The following TNRC6C variants were observed in gnomAD, a reference collection of about 807,000 sequenced individuals.
TNRC6C encodes trinucleotide repeat-containing gene 6C protein.
Under a neutral mutation model 153.7 loss-of-function variants are expected in TNRC6C, and 20 were observed. The observed-to-expected ratio is 0.13, with a 90% CI of 0.09 to 0.19. TNRC6C has a LOEUF of 0.19. TNRC6C is among the 10% of genes least tolerant of loss of function. The pLI is 1.00. For missense variants in TNRC6C, 1,987 were observed against 2,172.0 expected, an observed-to-expected ratio of 0.91 and a Z score of 1.69; for synonymous variants, 811 against 841.4, an observed-to-expected ratio of 0.96 and a Z score of 0.63.
intron 1 of TNRC6C, among the ~76,000 whole-genome samples, chr17:77,965,720 G>A (rs942944263): frequency 2.0e-5 from 3 of 152,128 alleles, no homozygotes; most frequent in Admixed American, 6.6e-5. Flanking sequence ...TGTGAAGAAC[G>A]CCACATACAC....
chr17:78,048,963 G>A (rs996714810), exon 3 of TNRC6C: 6 of 1,379,578 alleles, frequency 4.3e-6, no homozygotes, highest in East Asian at 5.3e-5. Context: ...GGACTGACAA[G>A]GAGGCGTGGC....
At chr17:77,976,664 C>T (rs1012821900) in intron 1 of TNRC6C, among the ~76,000 whole-genome samples, 3 of 152,140 alleles carry the variant, frequency 2.0e-5, no homozygotes, top group South Asian at 2.1e-4. Context: ...TACGGTGGCT[C>T]ATGCCTGTAA....
At chr17:78,062,967 T>G (rs2144172441) in intron 3 of TNRC6C, among the ~76,000 whole-genome samples, 1 of 152,224 alleles carries the variant, frequency 6.6e-6, no homozygotes, top group South Asian at 2.1e-4. Flanking sequence ...TTGTAAAGAC[T>G]GGGTACGGTA....
exon 15 of TNRC6C, chr17:78,092,952 A>C (rs1402409409): frequency 1.2e-6 from 2 of 1,613,826 alleles, no homozygotes. Flanking sequence ...CTGGAGGTCT[A>C]AGCATTGGGC....
chr17:78,092,785 G>C (rs1405120913), intron 14 of TNRC6C, 148 bp from the exon 17 acceptor site: 2 of 610,368 alleles, frequency 3.3e-6, no homozygotes, highest in Admixed American at 3.1e-5. Flanking sequence ...CAGAATCCTA[G>C]ACAGACCAAG....
intron 1 of TNRC6C, among the ~76,000 whole-genome samples, chr17:77,961,392 G>T (rs2070861446): frequency 6.6e-6 from 1 of 152,176 alleles, no homozygotes; most frequent in East Asian, 1.9e-4. Flanking sequence ...CTGACTTCAG[G>T]TGATCCGCCT....
chr17:78,010,300 T>C (rs1478673220), intron 1 of TNRC6C, among the ~76,000 whole-genome samples: 1 of 152,228 alleles, frequency 6.6e-6, no homozygotes. Context: ...CTAGGTGCTT[T>C]TGTTAATAAT....
At chr17:78,029,880 T>C (rs930097300) in intron 1 of TNRC6C, among the ~76,000 whole-genome samples, 1 of 152,014 alleles carries the variant, frequency 6.6e-6, no homozygotes, top group Admixed American at 6.6e-5. Context: ...AGTATCACTA[T>C]CTTCCACCTC....
At position 77,985,601 on chromosome 17, in the gene TNRC6C, C is replaced by CAAAAAAAAAAAAAAAAAAAAAA. The variant is rs1229331703; in HGVS notation, c.-37-18554_-37-18553insAAAAAAAAAAAAAAAAAAAAAA. On this transcript the variant is annotated intron_variant, in intron 1 of 22. Transcript: ENST00000636222. Reference sequence around the variant, plus strand: ...TGGGCAACAGAGCGAGACTCCGTCTCAAAAAAAAAAAAAAACCAGCAACTG... The same window carrying CAAAAAAAAAAAAAAAAAAAAAA: ...TGGGCAACAGAGCGAGACTCCGTCTCAAAAAAAAAAAAAAAAAAAAAAAAAAAAAAAAAAAAACCAGCAACTG... Among the ~76,000 whole-genome samples the CAAAAAAAAAAAAAAAAAAAAAA allele has an allele frequency of 3.0e-4, 29 of 96,242 alleles. 3 individuals carry two copies. Among genetic ancestry groups the CAAAAAAAAAAAAAAAAAAAAAA allele is most frequent in the African/African-American group, 1.2e-3 (29 of 23,800 alleles). The allele number at this position is 96,242 out of a possible 152,430, so 63.1% of individuals were successfully genotyped here. A position where few individuals can be genotyped will look rare whatever the true frequency, so the allele number is the denominator to read the frequency against.
chr17:77,960,973 G>A (rs1034910073), intron 1 of TNRC6C, among the ~76,000 whole-genome samples: 5 of 151,956 alleles, frequency 3.3e-5, no homozygotes, highest in Non-Finnish European at 7.4e-5. Context: ...TTTTCATACA[G>A]ATTTCTCATG....
intron 2 of TNRC6C, among the ~76,000 whole-genome samples, chr17:78,035,914 C>T (rs991168207): frequency 7.2e-5 from 11 of 152,100 alleles, no homozygotes; most frequent in Admixed American, 1.3e-4. Context: ...CATAGATTTT[C>T]ATTGTACTTT....
intron 16 of TNRC6C, among the ~76,000 whole-genome samples, chr17:78,098,096 C>T (rs893722348): frequency 6.6e-6 from 1 of 152,246 alleles, no homozygotes; most frequent in Non-Finnish European, 1.5e-5. Context: ...TGTGGGCCCA[C>T]TGCCTTCTCT....
chr17:77,998,786 C>A (rs570054616), intron 1 of TNRC6C, among the ~76,000 whole-genome samples: 1 of 152,274 alleles, frequency 6.6e-6, no homozygotes, highest in Admixed American at 6.5e-5. Context: ...TGTCTTTCGC[C>A]CTGACAGTTG....
At chr17:77,999,182 T>C (rs535628465), upstream of TNRC6C, among the ~76,000 whole-genome samples, 88 of 152,374 alleles carry the variant, frequency 5.8e-4, no homozygotes, top group Middle Eastern at 3.4e-3. Context: ...CTTTTCCAGC[T>C]GATTTCTCTC....
At chr17:78,064,924 C>G (rs769619214) in exon 4 of TNRC6C, 1 of 1,609,306 alleles carries the variant, frequency 6.2e-7, no homozygotes, top group South Asian at 1.1e-5. Context: ...CTGCCTCAGC[C>G]CTGTGCAAAC....
chr17:77,964,915 G>A (rs1367945077), intron 1 of TNRC6C, among the ~76,000 whole-genome samples: 4 of 152,190 alleles, frequency 2.6e-5, no homozygotes, highest in East Asian at 3.8e-4. Context: ...GGGAGGCACA[G>A]TAAGGGAAGA....
chr17:78,088,636 T>C (rs148249731), intron 13 of TNRC6C, among the ~76,000 whole-genome samples: 3 of 151,768 alleles, frequency 2.0e-5, no homozygotes, highest in Non-Finnish European at 4.4e-5. Context: ...CTCTCTCTTT[T>C]TTTTTTTGGC....
At chr17:78,072,969 T>A in intron 6 of TNRC6C, 68 bp from the exon 9 acceptor site, 1 of 1,201,042 alleles carries the variant, frequency 8.3e-7, no homozygotes, top group Non-Finnish European at 1.2e-6. Flanking sequence ...TGATAGTGAT[T>A]AAATTGTTTG....
At chr17:78,042,819 T>C (rs1324010953) in intron 2 of TNRC6C, among the ~76,000 whole-genome samples, 1 of 151,986 alleles carries the variant, frequency 6.6e-6, no homozygotes, top group Admixed American at 6.6e-5. Context: ...GTGTTGGTGA[T>C]GGTCGTAACA....
Sources: gnomAD v4.1 joint callset for allele counts (sites outside exome capture counted in the v4.1 genomes callset) on GRCh38, gnomAD v4.1.1 for gene constraint, MANE v1.5 for transcripts, NCBI Gene and HGNC (gene_info 2026-07-23, HGNC 2026-07-21) for gene names.